ZFHX3: variants seen among roughly 807,000 people sequenced by gnomAD.
ZFHX3 encodes zinc finger homeobox 3.
A neutral mutation model predicts 279.1 loss-of-function variants in ZFHX3; 42 were observed. The ratio of observed to expected loss-of-function variants is 0.15; its 90% CI spans 0.12 to 0.19. The LOEUF (loss-of-function observed/expected upper bound fraction) is 0.19. Ranked by LOEUF, ZFHX3 falls within the 10% of genes least tolerant of loss-of-function variation. The pLI, the probability that ZFHX3 is intolerant of heterozygous loss-of-function variation, is 1.00. For missense variants in ZFHX3, 4,981 were observed against 4,754.0 expected (o/e 1.05, Z -1.40); for synonymous variants, 2,293 against 1,957.8 (o/e 1.17, Z -4.52).
intron 1 of ZFHX3, among the ~76,000 whole-genome samples, chr16:73,871,701 A>G (rs992135467): frequency 3.7e-4 from 57 of 152,290 alleles, no homozygotes; most frequent in African/African-American, 1.2e-3. Flanking sequence ...CCAGCATAAC[A>G]AAGCTTATGG....
chr16:73,533,913 C>A (rs1425660860), intron 2 of ZFHX3, among the ~76,000 whole-genome samples: 1 of 152,190 alleles, frequency 6.6e-6, no homozygotes, highest in African/African-American at 2.4e-5. Context: ...GTGCTAACAG[C>A]ATTTCTCACC....
At chr16:73,168,229 T>TTC (rs1967431379) in intron 5 of ZFHX3, among the ~76,000 whole-genome samples, 1 of 138,498 alleles carries the variant, frequency 7.2e-6, no homozygotes, top group African/African-American at 2.8e-5. Flanking sequence ...CTTTCTTTCT[T>TTC]TCTTTCTTTC....
At chr16:73,327,508 G>A (rs1289532106) in intron 3 of ZFHX3, among the ~76,000 whole-genome samples, 1 of 152,156 alleles carries the variant, frequency 6.6e-6, no homozygotes, top group Non-Finnish European at 1.5e-5. Context: ...CAGTCTTCAG[G>A]TCCCTTCTCC....
intron 1 of ZFHX3, among the ~76,000 whole-genome samples, chr16:73,001,972 A>G (rs1963513333): frequency 1.3e-5 from 2 of 152,250 alleles, no homozygotes; most frequent in Admixed American, 6.5e-5. Flanking sequence ...TAGACCAGAA[A>G]AGCAGCAAAA....
rs75318466 is a variant in ZFHX3 at position 72,886,978 on chromosome 16, G to A, written c.3448+2753C>T. 6.6e-3 allele frequency among the ~76,000 whole-genome samples: 1,005 copies of A among 152,272 alleles called. 21 individuals carry two copies. Among genetic ancestry groups the A allele is most frequent in the East Asian group, 0.056 (290 of 5,180 alleles). On this transcript the variant is annotated intron_variant, in intron 4 of 9. Transcript: ENST00000268489. ...GAGGCATTTGAAAAACACATGGAAG[G>A]GACAGTCTTGCAGTGACCTTCAAGT...
At chr16:73,290,688 G>A (rs911489704) in intron 4 of ZFHX3, among the ~76,000 whole-genome samples, 2 of 152,182 alleles carry the variant, frequency 1.3e-5, no homozygotes, top group African/African-American at 4.8e-5. Flanking sequence ...CTTTCACTGG[G>A]AGCCTGCTCT....
intron 5 of ZFHX3, among the ~76,000 whole-genome samples, chr16:72,828,840 C>T (rs2036994467): frequency 6.6e-6 from 1 of 151,764 alleles, no homozygotes; most frequent in African/African-American, 2.4e-5. Flanking sequence ...GCAGCTGGTA[C>T]TACCAGCGTG....
chr16:73,872,574 C>T (rs888447046), intron 1 of ZFHX3, among the ~76,000 whole-genome samples: 3 of 151,460 alleles, frequency 2.0e-5, no homozygotes, highest in Non-Finnish European at 4.4e-5. Flanking sequence ...GCTCATTTTC[C>T]TTGGCTCTGC....
At chr16:73,601,645 G>C (rs1315176934) in intron 2 of ZFHX3, among the ~76,000 whole-genome samples, 1 of 152,086 alleles carries the variant, frequency 6.6e-6, no homozygotes, top group African/African-American at 2.4e-5. Context: ...TTTGATTTCT[G>C]ATTCTGTAGC....
At chr16:73,593,600 G>A (rs1045300094) in intron 2 of ZFHX3, among the ~76,000 whole-genome samples, 5 of 142,796 alleles carry the variant, frequency 3.5e-5, no homozygotes, top group African/African-American at 1.3e-4. Context: ...GGGAGGGAGG[G>A]AAGGAAGGAA....
chr16:73,880,758 T>C (rs1404325556), intron 1 of ZFHX3, among the ~76,000 whole-genome samples: 1 of 152,206 alleles, frequency 6.6e-6, no homozygotes, highest in Non-Finnish European at 1.5e-5. Flanking sequence ...TAGATGTGCC[T>C]GGTCTATTTA....
chr16:72,975,791 G>A (rs1235452688), intron 1 of ZFHX3, among the ~76,000 whole-genome samples: 1 of 152,156 alleles, frequency 6.6e-6, no homozygotes, highest in Non-Finnish European at 1.5e-5. Flanking sequence ...CAGCAAAAAT[G>A]GCACAGATGG....
intron 5 of ZFHX3, among the ~76,000 whole-genome samples, chr16:72,820,037 G>A (rs999938744): frequency 6.6e-6 from 1 of 152,198 alleles, no homozygotes; most frequent in African/African-American, 2.4e-5. Flanking sequence ...GCAGGCCTCA[G>A]CAGCTGAAGG....
chr16:73,543,871 AGAGAGCGAGAGAGG>A (rs1197427654), intron 2 of ZFHX3: 9 of 145,644 alleles, frequency 6.2e-5, no homozygotes, highest in African/African-American at 2.4e-4. Flanking sequence ...AGAGGGAGAG[AGAGAGCGAGAGAGG>A]GAGAGAGAGA....
intron 3 of ZFHX3, among the ~76,000 whole-genome samples, chr16:72,945,087 C>A (rs1360476550): frequency 6.6e-6 from 1 of 152,034 alleles, no homozygotes; most frequent in Non-Finnish European, 1.5e-5. Context: ...CAGAGTGACC[C>A]ACACAAAGCT....
chr16:73,492,719 G>A (rs577855736), intron 2 of ZFHX3, among the ~76,000 whole-genome samples: 13 of 152,286 alleles, frequency 8.5e-5, no homozygotes, highest in African/African-American at 2.9e-4. Context: ...ATGTTTCACC[G>A]TTATTTATCT....
intron 1 of ZFHX3, among the ~76,000 whole-genome samples, chr16:73,058,223 A>T: frequency 7.4e-6 from 1 of 134,876 alleles, no homozygotes; most frequent in African/African-American, 2.7e-5. Context: ...GCCGGGGAGG[A>T]GGGGGCGGCC....
intron 2 of ZFHX3, among the ~76,000 whole-genome samples, chr16:73,530,500 A>T (rs2019780379): frequency 6.6e-6 from 1 of 152,174 alleles, no homozygotes; most frequent in African/African-American, 2.4e-5. Flanking sequence ...CAAAAGTTAC[A>T]ATAGGCATTT....
intron 2 of ZFHX3, among the ~76,000 whole-genome samples, chr16:73,654,430 T>C (rs999482877): frequency 1.3e-5 from 2 of 151,982 alleles, no homozygotes; most frequent in Non-Finnish European, 2.9e-5. Flanking sequence ...ACCCCCAAAA[T>C]AGAAAAACAA....
Sources: gnomAD v4.1 joint callset for allele counts (sites outside exome capture counted in the v4.1 genomes callset) on GRCh38, gnomAD v4.1.1 for gene constraint, MANE v1.5 for transcripts, NCBI Gene and HGNC (gene_info 2026-07-23, HGNC 2026-07-21) for gene names.